Variants in TCF20 observed in about 807,000 individuals in gnomAD.
TCF20 encodes the protein SPRE-binding protein.
TCF20 carries 3 observed loss-of-function variants against 148.6 expected under a neutral mutation model. The ratio of observed to expected loss-of-function variants is 0.02; its 90% CI spans 0.01 to 0.05. TCF20 has a LOEUF of 0.05. Among genes scored for constraint, TCF20 ranks in the 10% least tolerant of loss-of-function variants. The pLI, the probability that TCF20 is intolerant of heterozygous loss-of-function variation, is 1.00. For synonymous variants in TCF20, 1,049 were observed against 909.5 expected (o/e 1.15, Z -2.76); for missense variants, 2,350 against 2,429.3 (o/e 0.97, Z 0.69).
intron 1 of TCF20, among the ~76,000 whole-genome samples, chr22:42,339,867 G>A (rs750864410): frequency 3.3e-5 from 5 of 152,236 alleles, no homozygotes; most frequent in Non-Finnish European, 5.9e-5. Flanking sequence ...TCAGGTATCC[G>A]GTGGGGCCCA....
At chr22:42,215,580 C>G (rs1921683087) in intron 1 of TCF20, 1 of 463,802 alleles carries the variant, frequency 2.2e-6, no homozygotes, top group Non-Finnish European at 3.7e-6. Flanking sequence ...AAGCAATTCT[C>G]TTGCCTCAGC....
intron 1 of TCF20, among the ~76,000 whole-genome samples, chr22:42,294,604 T>C (rs534155226): frequency 6.6e-6 from 1 of 152,180 alleles, no homozygotes; most frequent in Non-Finnish European, 1.5e-5. Flanking sequence ...CACAAGGATT[T>C]AGGACTCACA....
Position 42,209,809 on chromosome 22 carries a change from C to T in TCF20, c.5497G>A (p.Glu1833Lys), listed in dbSNP as rs775840504. Residue 1833 changes from glutamate to lysine, a missense_variant, in exon 2 of 6, where the codon GAA (glutamate) becomes AAA (lysine). By Grantham distance (56) the Glu-to-Lys change is moderately conservative (BLOSUM62 1). Transcript: ENST00000677622. ...DSKPSVPTTS[E>K]GGPELELQIP... is the part of the protein sequence containing the mutation. ...TGTAACTCCAGCTCAGGGCCACCTT[C>T]TGAAGTGGTGGGCACGGAGGGCTTC... The T allele has an allele frequency of 1.9e-6, 3 of 1,614,238 alleles. No homozygotes were observed. The Admixed American group carries it at 5.0e-5, about 27-fold the overall frequency.
intron 1 of TCF20, among the ~76,000 whole-genome samples, chr22:42,326,314 G>C (rs1927874914): frequency 6.6e-6 from 1 of 152,120 alleles, no homozygotes; most frequent in African/African-American, 2.4e-5. Context: ...TTGTTATTAA[G>C]AGTGTTCCCC....
At chr22:42,296,163 GT>G (rs1927233167) in intron 1 of TCF20, among the ~76,000 whole-genome samples, 1 of 152,202 alleles carries the variant, frequency 6.6e-6, no homozygotes, top group Non-Finnish European at 1.5e-5. Flanking sequence ...GTGCTTGGCA[GT>G]GCAGGATCAC....
At chr22:42,324,441 C>T (rs1927832505) in intron 1 of TCF20, among the ~76,000 whole-genome samples, 1 of 152,064 alleles carries the variant, frequency 6.6e-6, no homozygotes, top group Middle Eastern at 3.4e-3. Flanking sequence ...ATAATCTCCA[C>T]CATCTGAGAA....
At chr22:42,264,151 G>C (rs1926160580) in intron 1 of TCF20, among the ~76,000 whole-genome samples, 2 of 151,728 alleles carry the variant, frequency 1.3e-5, no homozygotes, top group South Asian at 2.1e-4. Flanking sequence ...TCCCTTGCCA[G>C]AGCCTCTGCT....
At chr22:42,267,734 T>C (rs904122480) in intron 1 of TCF20, among the ~76,000 whole-genome samples, 23 of 151,910 alleles carry the variant, frequency 1.5e-4, no homozygotes, top group Admixed American at 2.6e-4. Context: ...ACTTGTGTGA[T>C]AGGCCTGATG....
In TCF20 at chr22:42,213,995, C is replaced by A. The variant is rs768331914; in HGVS notation, c.1311G>T (p.Gly437=). The A allele has an allele frequency of 4.3e-6, 7 of 1,614,194 alleles. No individual in the cohort carries two copies. The highest frequency in any genetic ancestry group is 5.9e-6 in the Non-Finnish European group (7 of 1,180,030). The change falls in exon 2 of 6, where the codon GGG becomes GGT. Residue 437 remains glycine, a synonymous_variant. Transcript: ENST00000677622. Reference sequence around the variant, plus strand: ...TTTCTGGTACCCCTTCTAGTCCAAACCCTTTGAAGCCTGCAGCATGAGAAT... The same window carrying A: ...TTTCTGGTACCCCTTCTAGTCCAAAACCTTTGAAGCCTGCAGCATGAGAAT... ...SPNSHAAGFK[G]FGLEGVPEKR...
At chr22:42,161,854 G>A (rs1440045286) in intron 5 of TCF20, among the ~76,000 whole-genome samples, 1 of 151,968 alleles carries the variant, frequency 6.6e-6, no homozygotes, top group Non-Finnish European at 1.5e-5. Flanking sequence ...ACAAGACATC[G>A]CTCTGTCGCC....
chr22:42,252,737 C>A (rs367627055), intron 1 of TCF20, among the ~76,000 whole-genome samples: 4 of 152,182 alleles, frequency 2.6e-5, no homozygotes, highest in South Asian at 2.1e-4. Context: ...CAGGTGTGAG[C>A]CACGGTGCCC....
chr22:42,212,319 C>A lies in TCF20; in HGVS notation c.2987G>T (p.Gly996Val). 2 of 1,614,214 alleles carry A rather than the reference C, an allele frequency of 1.2e-6. No homozygotes were observed. The highest frequency in any genetic ancestry group is 1.7e-6 in the Non-Finnish European group (2 of 1,180,036). ...TPMRRVPGRV[G>V]GREGMRGRSP... ...CCGACCCCTCATGCCCTCCCGACCA[C>A]CAACTCTGCCAGGGACCCGCCGCAT... Residue 996 changes from glycine (G) to valine (V), a missense_variant, in exon 2 of 6, where the codon GGT becomes GTT. By Grantham distance (109) the Gly-to-Val change is moderately radical. Transcript: ENST00000677622.
rs1420082582 is a variant in TCF20 at position 42,160,068 on chromosome 22, G to GT, written c.*1334dup. On this transcript the variant is annotated 3_prime_UTR_variant, in exon 6 of 6. Coordinates refer to ENST00000677622, the MANE Select transcript of TCF20 (RefSeq NM_001378418.1). The stretch of plus-strand genomic sequence containing the variant: ...GATTTTTTGATTTTTTTTGTTTTTT[G>GT]TTTTTTTAAATAAAACTGTTTGTGA... 2.0e-5 allele frequency: 3 copies of GT among 152,122 alleles called. No homozygotes were observed. Among genetic ancestry groups the GT allele is most frequent in the Non-Finnish European group, 4.4e-5 (3 of 67,870 alleles). The allele number at this position is 152,122 out of a possible 1,614,324, so 9.4% of individuals were successfully genotyped here. A position where few individuals can be genotyped will look rare whatever the true frequency, so the allele number is the denominator to read the frequency against.
chr22:42,229,073 A>C (rs1277525971), intron 1 of TCF20, among the ~76,000 whole-genome samples: 1 of 152,236 alleles, frequency 6.6e-6, no homozygotes, highest in Non-Finnish European at 1.5e-5. Context: ...TGATCCCTGC[A>C]ATCACTCTAT....
intron 1 of TCF20, among the ~76,000 whole-genome samples, chr22:42,312,314 T>C (rs1418272806): frequency 1.3e-5 from 2 of 152,168 alleles, no homozygotes; most frequent in Non-Finnish European, 2.9e-5. Flanking sequence ...CACACAGACA[T>C]GGCCCTGCCT....
rs1569180401 is a variant in TCF20 at position 42,243,310 on chromosome 22, A to AAAAAAAAAAAAAAAAAAAAAC, written c.-37+27028_-37+27029insGTTTTTTTTTTTTTTTTTTTT. On this transcript the variant is annotated intron_variant, in intron 1 of 5. Coordinates refer to ENST00000677622, the MANE Select transcript of TCF20 (RefSeq NM_001378418.1). Reference sequence around the variant, plus strand: ...ACTGTCTCAAAAAAAAAAAAAAAAAAAAAAAAAAAAAGTCAGGCATGATGG... The same window carrying AAAAAAAAAAAAAAAAAAAAAC: ...ACTGTCTCAAAAAAAAAAAAAAAAAAAAAAAAAAAAAAAAAAAAAACAAAAAAAAAAAGTCAGGCATGATGG... Among the ~76,000 whole-genome samples, 138 of 140,940 alleles carry AAAAAAAAAAAAAAAAAAAAAC rather than the reference A, an allele frequency of 9.8e-4. 5 individuals are homozygous for AAAAAAAAAAAAAAAAAAAAAC. The highest frequency in any genetic ancestry group is 4.1e-3 in the African/African-American group (135 of 33,004). 92.5% of individuals were successfully genotyped at this position (140,940 alleles called of 152,430 possible).
In TCF20 at chr22:42,210,315, C is replaced by G. The variant is rs753012249; in HGVS notation, c.4991G>C (p.Arg1664Thr). 6 of 1,614,216 alleles carry G rather than the reference C, an allele frequency of 3.7e-6. No individual in the cohort carries two copies. The South Asian group carries it at 5.5e-5, about 15-fold the overall frequency. Residue 1664 changes from arginine (R) to threonine (T), a missense_variant, in exon 2 of 6, where the codon AGG (arginine) becomes ACG (threonine). Arg to Thr is a moderately conservative substitution (Grantham distance 71). Coordinates refer to ENST00000677622, the MANE Select transcript of TCF20 (RefSeq NM_001378418.1). The surrounding 1 kb of genome is among the most constrained non-coding windows in gnomAD (Gnocchi z 4.7). ...AGGGGTCAGTGACCTCTGACCCTTC[C>G]TGCCCCTCACTAATTTGGTCTGTTC... is the stretch of plus-strand genomic sequence containing the variant. ...EEEQTKLVRG[R>T]KGQRSLTPPP...
chr22:42,200,880 T>C (rs1937964019), intron 2 of TCF20, among the ~76,000 whole-genome samples: 1 of 152,314 alleles, frequency 6.6e-6, no homozygotes, highest in Non-Finnish European at 1.5e-5. Flanking sequence ...AAATCACTAA[T>C]GGTTTTGCAC....
intron 1 of TCF20, among the ~76,000 whole-genome samples, chr22:42,245,298 G>A (rs1924812237): frequency 6.6e-6 from 1 of 151,012 alleles, no homozygotes; most frequent in Non-Finnish European, 1.5e-5. Context: ...TGCCCAGGCT[G>A]GTCTCCAACA....
Sources: gnomAD v4.1 joint callset for allele counts (sites outside exome capture counted in the v4.1 genomes callset) on GRCh38, gnomAD v4.1.1 for gene constraint, Gnocchi (gnomAD v3.1) non-coding constraint, MANE v1.5 for transcripts, NCBI Gene and HGNC (gene_info 2026-07-23, HGNC 2026-07-21) for gene names.